TP53BP2: variants seen among roughly 807,000 people sequenced by gnomAD.
TP53BP2 encodes apoptosis-stimulating of p53 protein 2.
TP53BP2 carries 62 observed loss-of-function variants against 126.2 expected under a neutral mutation model. The observed-to-expected ratio is 0.49, with a 90% CI of 0.40 to 0.61. TP53BP2 has a LOEUF of 0.61. TP53BP2 is among the 20% of genes least tolerant of loss of function. The pLI is 0.00. For missense variants in TP53BP2, 1,215 were observed against 1,402.8 expected (o/e 0.87, Z 2.14); for synonymous variants, 485 against 502.9 (o/e 0.96, Z 0.48).
chr1:223,813,157 C>T (rs1369900708), intron 3 of TP53BP2, among the ~76,000 whole-genome samples: 1 of 152,126 alleles, frequency 6.6e-6, no homozygotes, highest in East Asian at 1.9e-4. Context: ...ACTCTGGTCA[C>T]AATCCCTGGT....
intron 13 of TP53BP2, among the ~76,000 whole-genome samples, 185 bp downstream of exon 13, chr1:223,795,626 TTCTC>T (rs1391590341): frequency 6.6e-6 from 1 of 151,652 alleles, no homozygotes; most frequent in Non-Finnish European, 1.5e-5. Context: ...AATAAATGGG[TTCTC>T]TCTAAAACAG....
At chr1:223,840,217 T>TC (rs1664060528) in intron 1 of TP53BP2, among the ~76,000 whole-genome samples, 1 of 152,196 alleles carries the variant, frequency 6.6e-6, no homozygotes. Flanking sequence ...TCATAAAGGA[T>TC]CCCCGAATGA....
chr1:223,830,075 G>C (rs1405508486), intron 1 of TP53BP2, among the ~76,000 whole-genome samples: 2 of 152,138 alleles, frequency 1.3e-5, no homozygotes, highest in African/African-American at 4.8e-5. Context: ...AAGACATGCA[G>C]GGAAATAAAT....
At position 223,802,745 on chromosome 1, in the gene TP53BP2, T is replaced by C; in HGVS notation, c.982A>G (p.Lys328Glu). 1.9e-6 allele frequency: 3 copies of C among 1,614,100 alleles called. No homozygotes were observed. The highest frequency in any genetic ancestry group is 2.5e-6 in the Non-Finnish European group (3 of 1,180,002). The change falls in exon 8 of 18, where the codon AAA becomes GAA. Residue 328 changes from lysine (K) to glutamate (E), a missense_variant. Coordinates refer to ENST00000343537, the MANE Select transcript of TP53BP2 (RefSeq NM_001031685.3). ...LWKKKAALQQ[K>E]ENLPVSSDGN... The stretch of plus-strand genomic sequence containing the variant: ...GGCCCACTTACTGGTAGATTTTCTT[T>C]TTGCTGTAGAGCTGCCTTCTTCTTC...
chr1:223,794,801 T>C (rs570094693), intron 13 of TP53BP2, among the ~76,000 whole-genome samples: 2 of 152,192 alleles, frequency 1.3e-5, no homozygotes, highest in Non-Finnish European at 2.9e-5. Flanking sequence ...GCTTCAAATG[T>C]TTAGTACATA....
chr1:223,780,836 A>C lies in TP53BP2; in HGVS notation c.*17T>G, dbSNP rs757479435. The C allele has an allele frequency of 1.6e-5, 26 of 1,612,346 alleles. No individual in the cohort carries two copies. The South Asian group carries it at 2.9e-4, about 18-fold the overall frequency. On this transcript the variant is annotated 3_prime_UTR_variant, in exon 18 of 18. Coordinates refer to ENST00000343537, the MANE Select transcript of TP53BP2 (RefSeq NM_001031685.3). ...CAGAGATTAATTCTTCATTGACTAA[A>C]ATTCTGTGTGGAAGTTTCAGGCCAA... is the stretch of plus-strand genomic sequence containing the variant.
At chr1:223,821,506 A>C in intron 1 of TP53BP2, 139 bp from the exon 2 acceptor site, 1 of 1,181,882 alleles carries the variant, frequency 8.5e-7, no homozygotes, top group African/African-American at 1.5e-5. Context: ...ACCCGGCCAA[A>C]GGTGAGGTGT....
chr1:223,839,852 T>C (rs2102892309), intron 1 of TP53BP2, among the ~76,000 whole-genome samples: 1 of 152,258 alleles, frequency 6.6e-6, no homozygotes, highest in South Asian at 2.1e-4. Flanking sequence ...AGAGAATCAC[T>C]TGAGCCCAGG....
At chr1:223,812,628 C>T (rs1411365456) in intron 3 of TP53BP2, among the ~76,000 whole-genome samples, 2 of 152,134 alleles carry the variant, frequency 1.3e-5, no homozygotes, top group African/African-American at 4.8e-5. Context: ...GGTGCCATCT[C>T]GGCTCACTGC....
At chr1:223,784,365 C>T (rs746847691) in intron 16 of TP53BP2, 51 bp from the exon 17 acceptor site, 1 of 1,558,014 alleles carries the variant, frequency 6.4e-7, no homozygotes, top group Non-Finnish European at 8.8e-7. Flanking sequence ...TTGGAGTATA[C>T]CACTCTACAA....
intron 3 of TP53BP2, among the ~76,000 whole-genome samples, chr1:223,813,565 C>T (rs1372204731): frequency 2.2e-4 from 33 of 152,142 alleles, no homozygotes; most frequent in Admixed American, 2.2e-3. Flanking sequence ...TCCCACTGAA[C>T]TCCCATTGAA....
At chr1:223,781,997 A>G (rs1221234953) in intron 17 of TP53BP2, among the ~76,000 whole-genome samples, 3 of 152,110 alleles carry the variant, frequency 2.0e-5, no homozygotes, top group Non-Finnish European at 4.4e-5. Flanking sequence ...CTGCTCCCGC[A>G]CTTGGAAACA....
At chr1:223,782,502 C>T (rs1233962711) in intron 17 of TP53BP2, among the ~76,000 whole-genome samples, 1 of 151,886 alleles carries the variant, frequency 6.6e-6, no homozygotes, top group Non-Finnish European at 1.5e-5. Flanking sequence ...CATCTGAAAG[C>T]TTTTTTTTAA....
intron 6 of TP53BP2, 53 bp from the exon 7 acceptor site, chr1:223,803,505 C>T: frequency 6.6e-7 from 1 of 1,506,810 alleles, no homozygotes; most frequent in Non-Finnish European, 8.9e-7. Flanking sequence ...TAAGAATGGA[C>T]TACTTCCCAG....
intron 12 of TP53BP2, among the ~76,000 whole-genome samples, chr1:223,797,728 C>CA (rs1462795144): frequency 6.6e-6 from 1 of 151,736 alleles, no homozygotes; most frequent in Non-Finnish European, 1.5e-5. Flanking sequence ...TATATAAAGA[C>CA]ATATAGACAC....
rs1664143168 is a variant in TP53BP2 at position 223,842,718 on chromosome 1, C to T, written c.27+2936G>A. On this transcript the variant is annotated intron_variant, in intron 1 of 17. Coordinates refer to ENST00000343537, the MANE Select transcript of TP53BP2 (RefSeq NM_001031685.3). ...TTTTGAGCATAACACTTCACAAAAT[C>T]AAAGTAGTGAATAAAAGATATCTAA... Among the ~76,000 whole-genome samples, 3 of 152,166 alleles carry T rather than the reference C, an allele frequency of 2.0e-5. No individual in the cohort carries two copies. The South Asian group carries it at 6.2e-4, about 31-fold the overall frequency.
chr1:223,795,487 CA>C (rs1294510979), intron 13 of TP53BP2, among the ~76,000 whole-genome samples: 1 of 152,292 alleles, frequency 6.6e-6, no homozygotes, highest in East Asian at 1.9e-4. Context: ...AGCTAGTAAT[CA>C]AAAGTTTCAA....
chr1:223,798,425 G>C lies in TP53BP2; in HGVS notation c.1738C>G (p.Gln580Glu). The change falls in exon 12 of 18, where the codon CAA (glutamine) becomes GAA (glutamate). Residue 580 changes from glutamine (Q) to glutamate (E), a missense_variant. By Grantham distance (29) the Gln-to-Glu change is conservative. Transcript: ENST00000343537. ...QDQTLSPGSK[Q>E]ESPPAAAVRP... ...ACGGCAGCAGCAGGTGGACTTTCTT[G>C]CTTAGAACCTGGAGAAAGGGTCTGG... 6.2e-7 allele frequency: 1 copy of C among 1,614,190 alleles called. No individual in the cohort carries two copies. Among genetic ancestry groups the C allele is most frequent in the Non-Finnish European group, 8.5e-7 (1 of 1,180,034 alleles).
intron 1 of TP53BP2, among the ~76,000 whole-genome samples, chr1:223,826,842 T>TA: frequency 6.6e-6 from 1 of 152,118 alleles, no homozygotes; most frequent in Non-Finnish European, 1.5e-5. Context: ...CGGAATGAGA[T>TA]ACGATGGTAG....
Sources: allele counts gnomAD v4.1 joint callset (sites outside exome capture counted in the v4.1 genomes callset), GRCh38; gene constraint gnomAD v4.1.1; transcripts MANE v1.5; gene names NCBI Gene and HGNC (gene_info 2026-07-23, HGNC 2026-07-21).